DNAJC16: variants seen among roughly 807,000 people sequenced by gnomAD.
The protein encoded by DNAJC16 is dnaJ homolog subfamily C member 16.
In DNAJC16, 76 loss-of-function variants were observed where a neutral mutation model predicts 92.7. The ratio of observed to expected loss-of-function variants is 0.82; its 90% CI spans 0.68 to 0.99. The LOEUF (loss-of-function observed/expected upper bound fraction) is 0.99, where lower values mean the gene tolerates loss of function less well. Ranked by LOEUF, DNAJC16 falls within the 50% of genes least tolerant of loss-of-function variation. DNAJC16 has a pLI of 0.00. For missense variants in DNAJC16, 869 were observed against 942.4 expected (o/e 0.92, Z 1.02); for synonymous variants, 328 against 358.7 (o/e 0.91, Z 0.97).
intron 11 of DNAJC16, chr1:15,565,554 G>T: frequency 4.3e-6 from 1 of 230,308 alleles, no homozygotes; most frequent in African/African-American, 2.4e-5. Context: ...GAATTTTTCT[G>T]GCCAGAAAAA....
chr1:15,555,991 CAAA>C (rs750409441), intron 7 of DNAJC16, among the ~76,000 whole-genome samples: 4 of 92,730 alleles, frequency 4.3e-5, no homozygotes, highest in Non-Finnish European at 6.7e-5. Flanking sequence ...AACTCCATCT[CAAA>C]AAAAAAAAAA....
intron 7 of DNAJC16, among the ~76,000 whole-genome samples, chr1:15,553,281 C>T (rs1043802144): frequency 1.3e-5 from 2 of 151,894 alleles, no homozygotes; most frequent in African/African-American, 4.8e-5. Flanking sequence ...GTTGCCCAGG[C>T]TAGAGTGCAG....
chr1:15,561,704 C>T (rs1166482555), intron 8 of DNAJC16, among the ~76,000 whole-genome samples: 1 of 151,740 alleles, frequency 6.6e-6, no homozygotes, highest in Non-Finnish European at 1.5e-5. Context: ...AAATGAAAGG[C>T]CCTGCTGCAT....
intron 2 of DNAJC16, among the ~76,000 whole-genome samples, chr1:15,530,608 C>T (rs1710631648): frequency 1.3e-5 from 2 of 152,210 alleles, no homozygotes; most frequent in South Asian, 4.1e-4. Context: ...CATCACTGAG[C>T]ACCTACTACA....
intron 3 of DNAJC16, among the ~76,000 whole-genome samples, chr1:15,535,776 T>A (rs985008855): frequency 6.6e-6 from 1 of 151,816 alleles, no homozygotes; most frequent in African/African-American, 2.4e-5. Context: ...TTTTCTTTTT[T>A]CTTAAGAGAC....
intron 8 of DNAJC16, among the ~76,000 whole-genome samples, chr1:15,561,818 A>G (rs994759047): frequency 1.3e-5 from 2 of 152,092 alleles, no homozygotes; most frequent in African/African-American, 4.8e-5. Context: ...GTCTGAGGCC[A>G]GGAGTTCAAG....
At position 15,536,628 on chromosome 1, in the gene DNAJC16, T is replaced by G; in HGVS notation, c.388T>G (p.Phe130Val). ...YFDESFFHFP[F>V]NSERRDSIDE... ...TGATGAATCCTTTTTTCACTTCCCTTTTAATTCTGAACGGCGGGACTCAAT... is the reference window on the plus strand; with the variant it reads ...TGATGAATCCTTTTTTCACTTCCCTGTTAATTCTGAACGGCGGGACTCAAT... The change falls in exon 4 of 15, where the codon TTT becomes GTT. Residue 130 changes from phenylalanine to valine, a missense_variant. Coordinates refer to ENST00000375847, the MANE Select transcript of DNAJC16 (RefSeq NM_015291.4). 1 of 1,614,180 alleles carries G rather than the reference T, an allele frequency of 6.2e-7. No homozygotes were observed. Among genetic ancestry groups the G allele is most frequent in the South Asian group, 1.1e-5 (1 of 91,084 alleles).
chr1:15,536,357 G>A (rs1710784476), intron 3 of DNAJC16, 118 bp from the exon 4 acceptor site: 1 of 814,530 alleles, frequency 1.2e-6, no homozygotes, highest in East Asian at 2.7e-5. Flanking sequence ...TGGGATTACA[G>A]GTGTGAGCCA....
chr1:15,543,787 A>T (rs1020111515), intron 4 of DNAJC16, among the ~76,000 whole-genome samples: 1 of 152,192 alleles, frequency 6.6e-6, no homozygotes, highest in Admixed American at 6.5e-5. Flanking sequence ...GAAAACCAAC[A>T]AGACTTGCCG....
In DNAJC16 at chr1:15,534,248, AAAAC is replaced by A. The variant is rs746424264; in HGVS notation, c.183_186del (p.Asn61LysfsTer89). On this transcript the variant is annotated frameshift_variant, in exon 3 of 15. Coordinates refer to ENST00000375847, the MANE Select transcript of DNAJC16 (RefSeq NM_015291.4). LOFTEE classifies it high-confidence loss of function. ...TGTTTGTGTTTCAGGCATCCTGACAAAAACAAAGATCCTGGAGCAGAAGACAAGT... is the reference window on the plus strand; with the variant it reads ...TGTTTGTGTTTCAGGCATCCTGACAAAAAGATCCTGGAGCAGAAGACAAGT... 1.2e-6 allele frequency: 2 copies of A among 1,614,078 alleles called. No homozygotes were observed. The highest frequency in any genetic ancestry group is 8.5e-7 in the Non-Finnish European group (1 of 1,179,982).
intron 7 of DNAJC16, among the ~76,000 whole-genome samples, chr1:15,557,429 G>A (rs1325514710): frequency 6.6e-6 from 1 of 152,070 alleles, no homozygotes; most frequent in African/African-American, 2.4e-5. Flanking sequence ...GAGGCTTGTC[G>A]ATTGTATTAG....
intron 9 of DNAJC16, 24 bp downstream of exon 9, chr1:15,562,349 T>TC: frequency 6.3e-7 from 1 of 1,593,452 alleles, no homozygotes; most frequent in Non-Finnish European, 8.6e-7. Flanking sequence ...TCTCTCCTCA[T>TC]CCCAGGCTCT....
intron 14 of DNAJC16, 129 bp from the exon 15 acceptor site, chr1:15,567,647 TTC>T (rs1638850122): frequency 2.4e-5 from 25 of 1,028,892 alleles, no homozygotes; most frequent in Non-Finnish European, 3.3e-5. Context: ...GGCCTTCTTT[TTC>T]TCTGTGTTCA....
chr1:15,559,054 C>G (rs1378410458), intron 7 of DNAJC16, among the ~76,000 whole-genome samples: 1 of 152,262 alleles, frequency 6.6e-6, no homozygotes, highest in East Asian at 1.9e-4. Flanking sequence ...ATTCTCTTGC[C>G]TCAGCCTTCC....
intron 7 of DNAJC16, among the ~76,000 whole-genome samples, chr1:15,556,590 A>T (rs1638577839): frequency 6.6e-6 from 1 of 152,216 alleles, no homozygotes; most frequent in Non-Finnish European, 1.5e-5. Flanking sequence ...AACTTAAATA[A>T]TTTATCTGTA....
intron 3 of DNAJC16, among the ~76,000 whole-genome samples, chr1:15,534,679 C>A (rs976508413): frequency 4.0e-5 from 6 of 151,654 alleles, no homozygotes; most frequent in Non-Finnish European, 8.8e-5. Flanking sequence ...GAGCAGAGAT[C>A]GAGGCCTGGG....
rs1638650866 is a variant in DNAJC16, at chr1:15,559,756, A to G, written c.1154+100A>G. ...AGACATCTGCCCTGTAACATTGAGA[A>G]CTTATTCTTCATTTAACAAATACTG... is the stretch of plus-strand genomic sequence containing the variant. On this transcript the variant is annotated intron_variant, in intron 8 of 14. Transcript: ENST00000375847. 4 of 1,483,418 alleles carry G rather than the reference A, an allele frequency of 2.7e-6. No individual in the cohort carries two copies. In the South Asian group the frequency reaches 4.0e-5, roughly 15 times the overall value. The allele number at this position is 1,483,418 out of a possible 1,614,324, so 91.9% of individuals were successfully genotyped here.
intron 1 of DNAJC16, among the ~76,000 whole-genome samples, chr1:15,528,387 T>G (rs4661640): frequency 0.31 from 46,782 of 151,320 alleles, 7,588 homozygotes; most frequent in East Asian, 0.58. Context: ...TGAGCTGAGA[T>G]CCCATCATTG....
chr1:15,567,016 A>C, intron 13 of DNAJC16, 83 bp from the exon 14 acceptor site: 1 of 1,337,176 alleles, frequency 7.5e-7, no homozygotes, highest in African/African-American at 1.4e-5. Context: ...AGAACATAGC[A>C]TTTTCTTTCA....
Sources: allele counts gnomAD v4.1 joint callset (sites outside exome capture counted in the v4.1 genomes callset), GRCh38; gene constraint gnomAD v4.1.1; transcripts MANE v1.5; gene names NCBI Gene and HGNC (gene_info 2026-07-23, HGNC 2026-07-21).